The following SUGCT variants were observed in gnomAD, a reference collection of about 807,000 sequenced individuals.
The protein encoded by SUGCT is succinyl-CoA:glutarate CoA-transferase.
In SUGCT, 41 loss-of-function variants were observed where a neutral mutation model predicts 55.0. That is an observed-to-expected ratio of 0.74 (90% confidence interval 0.58 to 0.97). The LOEUF (loss-of-function observed/expected upper bound fraction) is 0.97, where lower values mean the gene tolerates loss of function less well. Among genes scored for constraint, SUGCT ranks in the 50% least tolerant of loss-of-function variants. The pLI, the probability that SUGCT is intolerant of heterozygous loss-of-function variation, is 0.00. For synonymous variants in SUGCT, 187 were observed against 200.4 expected (o/e 0.93, Z 0.56); for missense variants, 568 against 547.8 (o/e 1.04, Z -0.37).
intron 6 of SUGCT, among the ~76,000 whole-genome samples, chr7:40,207,903 T>C (rs1787081442): frequency 6.6e-6 from 1 of 152,192 alleles, no homozygotes; most frequent in African/African-American, 2.4e-5. Flanking sequence ...TGTACACGCA[T>C]TTTCATAGCA....
At chr7:40,167,494 A>C (rs994635211) in intron 1 of SUGCT, among the ~76,000 whole-genome samples, 3 of 152,088 alleles carry the variant, frequency 2.0e-5, no homozygotes, top group Non-Finnish European at 2.9e-5. Context: ...GCTGCTCCTA[A>C]GATGGAGTGG....
intron 6 of SUGCT, among the ~76,000 whole-genome samples, chr7:40,196,077 T>C (rs550384854): frequency 6.6e-6 from 1 of 152,278 alleles, no homozygotes; most frequent in Admixed American, 6.5e-5. Context: ...CCCTTCAATA[T>C]ATTCAGAAGC....
chr7:40,342,818 T>C (rs1048024920), intron 9 of SUGCT, among the ~76,000 whole-genome samples: 1 of 151,980 alleles, frequency 6.6e-6, no homozygotes, highest in Non-Finnish European at 1.5e-5. Context: ...AATTTTTGTA[T>C]TTTTAGTAGA....
the SUGCT span, among the ~76,000 whole-genome samples, chr7:40,898,020 G>A: frequency 6.6e-6 from 1 of 152,134 alleles, no homozygotes; most frequent in Non-Finnish European, 1.5e-5. Flanking sequence ...TGTGAAAGGT[G>A]TGTTCTTTCG....
chr7:40,201,209 G>C (rs1786583219), intron 6 of SUGCT, among the ~76,000 whole-genome samples: 1 of 152,098 alleles, frequency 6.6e-6, no homozygotes, highest in Non-Finnish European at 1.5e-5. Flanking sequence ...AAAAAGGAAG[G>C]AGGGAATGAA....
chr7:40,777,463 T>A (rs73125733), intron 13 of SUGCT, among the ~76,000 whole-genome samples: 46,838 of 151,720 alleles, frequency 0.31, 7,863 homozygotes, highest in South Asian at 0.47. Context: ...TTTTTTTTTT[T>A]AAAATCAGTT....
intron 12 of SUGCT, among the ~76,000 whole-genome samples, chr7:40,533,228 C>T (rs1022206183): frequency 6.6e-6 from 1 of 152,026 alleles, no homozygotes; most frequent in African/African-American, 2.4e-5. Flanking sequence ...TCACATTTTC[C>T]TCACCTATAA....
rs111612855 is a variant in SUGCT at position 40,755,450 on chromosome 7, C to T, written c.1153+5953C>T. Among the ~76,000 whole-genome samples the T allele has an allele frequency of 1.9e-3, 291 of 152,338 alleles. 1 individual carries two copies. Among genetic ancestry groups the T allele is most frequent in the African/African-American group, 6.8e-3 (283 of 41,570 alleles). On this transcript the variant is annotated intron_variant, in intron 13 of 13. Transcript: ENST00000335693. The stretch of plus-strand genomic sequence containing the variant: ...AGGAGATGGGCCATTATGTAAATTT[C>T]ACCTTATTTGTGACTTTAGTGGGAA...
At chr7:40,487,250 G>GTTTTTTTTTTTTTTT (rs1167865633) in intron 11 of SUGCT, among the ~76,000 whole-genome samples, 1 of 42,902 alleles carries the variant, frequency 2.3e-5, no homozygotes, top group Non-Finnish European at 4.5e-5. Flanking sequence ...ACACCCAGCT[G>GTTTTTTTTTTTTTTT]TTTTTTTTTT....
intron 11 of SUGCT, among the ~76,000 whole-genome samples, chr7:40,477,644 C>T (rs1277670734): frequency 5.3e-5 from 8 of 152,082 alleles, no homozygotes; most frequent in Admixed American, 5.2e-4. Context: ...GCATGGAAGG[C>T]AGCAAATGAG....
rs1282270964 is a variant in SUGCT at position 40,154,328 on chromosome 7, T to TGTAAC, written c.100+19212_100+19213insCGTAA. 2.0e-5 allele frequency among the ~76,000 whole-genome samples: 3 copies of TGTAAC among 152,024 alleles called. No homozygotes were observed. The East Asian group carries it at 5.8e-4, about 29-fold the overall frequency. ...GGCAAAAGATGTGAATGTAATGTAA[T>TGTAAC]GTAATGGGATTGAAAAAGTCTTATG... is the stretch of plus-strand genomic sequence containing the variant. On this transcript the variant is annotated intron_variant, in intron 1 of 13. Coordinates refer to ENST00000335693, the MANE Select transcript of SUGCT (RefSeq NM_001193313.2).
intron 13 of SUGCT, among the ~76,000 whole-genome samples, chr7:40,781,042 T>C (rs10499618): frequency 0.094 from 14,368 of 152,252 alleles, 723 homozygotes; most frequent in Middle Eastern, 0.18. Flanking sequence ...ACTTTACCTA[T>C]TTTTGATGTC....
chr7:40,219,956 T>A (rs890242908), intron 6 of SUGCT, among the ~76,000 whole-genome samples: 11 of 152,174 alleles, frequency 7.2e-5, no homozygotes, highest in Non-Finnish European at 1.6e-4. Flanking sequence ...TGGCTGGTGT[T>A]TTTTAGTATA....
At chr7:40,252,606 G>T (rs1377823007) in intron 7 of SUGCT, among the ~76,000 whole-genome samples, 3 of 152,044 alleles carry the variant, frequency 2.0e-5, no homozygotes, top group Admixed American at 6.6e-5. Flanking sequence ...ATTTTCTAAT[G>T]ACTCTCAGGA....
intron 12 of SUGCT, among the ~76,000 whole-genome samples, chr7:40,651,532 G>T (rs528228568): frequency 6.6e-6 from 1 of 152,048 alleles, no homozygotes; most frequent in South Asian, 2.1e-4. Context: ...CTTTTTAAAG[G>T]TTATCATCAT....
chr7:40,958,507 C>T, the SUGCT span, among the ~76,000 whole-genome samples: 1 of 151,712 alleles, frequency 6.6e-6, no homozygotes, highest in Non-Finnish European at 1.5e-5. Context: ...TTTTTCACCT[C>T]CATCAGGTCA....
intron 12 of SUGCT, among the ~76,000 whole-genome samples, chr7:40,522,064 A>G (rs904475896): frequency 6.6e-6 from 1 of 152,088 alleles, no homozygotes; most frequent in South Asian, 2.1e-4. Flanking sequence ...CATTAGAGGG[A>G]ATTGGCAAGG....
At chr7:40,222,581 G>A (rs969163804) in intron 6 of SUGCT, among the ~76,000 whole-genome samples, 1 of 152,114 alleles carries the variant, frequency 6.6e-6, no homozygotes, top group Admixed American at 6.5e-5. Flanking sequence ...GACTGGGCGC[G>A]GTGTAATCCC....
At chr7:40,871,501 A>G in the SUGCT span, among the ~76,000 whole-genome samples, 5 of 152,196 alleles carry the variant, frequency 3.3e-5, no homozygotes, top group African/African-American at 1.2e-4. Flanking sequence ...GAGCAGAAGA[A>G]CCTGCCCATC....
Sources: allele counts gnomAD v4.1 joint callset (sites outside exome capture counted in the v4.1 genomes callset), GRCh38; gene constraint gnomAD v4.1.1; transcripts MANE v1.5; gene names NCBI Gene and HGNC (gene_info 2026-07-23, HGNC 2026-07-21).